Variants in MAGI1 observed in about 807,000 individuals in gnomAD.
MAGI1 encodes membrane-associated guanylate kinase, WW and PDZ domain-containing protein 1.
In MAGI1, 58 loss-of-function variants were observed where a neutral mutation model predicts 139.9. The observed-to-expected ratio is 0.41, with a 90% confidence interval of 0.34 to 0.52. MAGI1 has a LOEUF of 0.52. Among genes scored for constraint, MAGI1 ranks in the 20% least tolerant of loss-of-function variants. The pLI, the probability that MAGI1 is intolerant of heterozygous loss-of-function variation, is 0.12. For missense variants in MAGI1, 1,874 were observed against 1,901.6 expected, an observed-to-expected ratio of 0.99 and a Z score of 0.27; for synonymous variants, 812 against 737.9, an observed-to-expected ratio of 1.10 and a Z score of -1.63.
chr3:65,603,530 C>T (rs1017525294), intron 2 of MAGI1, among the ~76,000 whole-genome samples: 1 of 152,102 alleles, frequency 6.6e-6, no homozygotes, highest in African/African-American at 2.4e-5. Flanking sequence ...AACCATAGAA[C>T]GTAGATAAAA....
At chr3:65,804,768 T>G (rs2040741482) in intron 1 of MAGI1, among the ~76,000 whole-genome samples, 1 of 152,062 alleles carries the variant, frequency 6.6e-6, no homozygotes, top group African/African-American at 2.4e-5. Flanking sequence ...AATAGAGATC[T>G]CAGAAATAAG....
At chr3:65,905,922 A>G (rs1029723018) in intron 1 of MAGI1, among the ~76,000 whole-genome samples, 2 of 152,208 alleles carry the variant, frequency 1.3e-5, no homozygotes, top group Admixed American at 1.3e-4. Flanking sequence ...TTCCGGATAT[A>G]AGAAAGAGTT....
chr3:65,882,655 A>C (rs912550372), intron 1 of MAGI1, among the ~76,000 whole-genome samples: 10 of 152,298 alleles, frequency 6.6e-5, no homozygotes, highest in African/African-American at 2.2e-4. Flanking sequence ...CAAGTTGACC[A>C]GGCACAGTGG....
At chr3:66,018,515 T>C (rs1304502476) in intron 1 of MAGI1, among the ~76,000 whole-genome samples, 2 of 152,120 alleles carry the variant, frequency 1.3e-5, no homozygotes, top group Admixed American at 1.3e-4. Flanking sequence ...AAGCAAGTGA[T>C]CAAGGTCACA....
At chr3:65,522,337 A>T (rs2078201319) in intron 2 of MAGI1, among the ~76,000 whole-genome samples, 1 of 152,202 alleles carries the variant, frequency 6.6e-6, no homozygotes, top group East Asian at 1.9e-4. Context: ...GTGTTCTATA[A>T]GCACAAGCAT....
intron 13 of MAGI1, among the ~76,000 whole-genome samples, chr3:65,393,948 G>T (rs1178791151): frequency 6.6e-6 from 1 of 152,176 alleles, no homozygotes; most frequent in African/African-American, 2.4e-5. Flanking sequence ...GAACTGGAGA[G>T]AAATATCCTT....
chr3:65,748,953 T>A (rs1321946498), intron 1 of MAGI1, among the ~76,000 whole-genome samples: 1 of 151,942 alleles, frequency 6.6e-6, no homozygotes, highest in Non-Finnish European at 1.5e-5. Context: ...AGGAGAGTAA[T>A]AGGGGTGGCA....
intron 2 of MAGI1, among the ~76,000 whole-genome samples, chr3:65,606,357 T>C (rs1330452022): frequency 6.6e-6 from 1 of 152,150 alleles, no homozygotes; most frequent in East Asian, 1.9e-4. Flanking sequence ...ATTTATTTTT[T>C]TGAGACAGGA....
intron 7 of MAGI1, 114 bp from the exon 8 acceptor site, chr3:65,442,963 A>G (rs1414264861): frequency 2.7e-6 from 2 of 735,944 alleles, no homozygotes; most frequent in Non-Finnish European, 2.3e-6. Flanking sequence ...CTTTAAATCC[A>G]ATTAAAACTG....
chr3:65,410,030 C>A (rs1191574308), intron 12 of MAGI1, among the ~76,000 whole-genome samples: 1 of 152,156 alleles, frequency 6.6e-6, no homozygotes, highest in Non-Finnish European at 1.5e-5. Flanking sequence ...CTTACAGAGC[C>A]TTTCACCTCA....
intron 2 of MAGI1, among the ~76,000 whole-genome samples, chr3:65,524,440 A>C (rs2078296157): frequency 6.6e-6 from 1 of 152,224 alleles, no homozygotes; most frequent in African/African-American, 2.4e-5. Context: ...AATATATGTT[A>C]GTCATGTTTC....
At chr3:65,635,290 C>T (rs910608779) in intron 1 of MAGI1, among the ~76,000 whole-genome samples, 1 of 152,054 alleles carries the variant, frequency 6.6e-6, no homozygotes, top group Admixed American at 6.6e-5. Context: ...GTCTCAAACT[C>T]CTCACCTCAT....
intron 17 of MAGI1, 67 bp from the exon 18 acceptor site, chr3:65,376,012 G>A: frequency 8.6e-7 from 1 of 1,157,378 alleles, no homozygotes; most frequent in Non-Finnish European, 1.3e-6. Context: ...AAGAGAAAAA[G>A]GGTTGAAAAG....
chr3:65,695,769 G>A (rs942285657), intron 1 of MAGI1, among the ~76,000 whole-genome samples: 1 of 152,170 alleles, frequency 6.6e-6, no homozygotes. Flanking sequence ...AGGGCTCTCA[G>A]TTCCAGCTGC....
At chr3:65,901,817 A>G (rs2061245189) in intron 1 of MAGI1, among the ~76,000 whole-genome samples, 1 of 152,202 alleles carries the variant, frequency 6.6e-6, no homozygotes, top group Non-Finnish European at 1.5e-5. Flanking sequence ...GAATGCCTAA[A>G]AACTCACAAA....
At chr3:65,921,839 G>A (rs868472239) in intron 1 of MAGI1, among the ~76,000 whole-genome samples, 4 of 151,888 alleles carry the variant, frequency 2.6e-5, no homozygotes, top group Admixed American at 6.6e-5. Flanking sequence ...CCAGGAGGTT[G>A]AGGCTGCAGT....
intron 1 of MAGI1, among the ~76,000 whole-genome samples, chr3:65,659,939 T>A (rs998532002): frequency 2.6e-5 from 4 of 152,120 alleles, no homozygotes; most frequent in Non-Finnish European, 4.4e-5. Flanking sequence ...TAAATCAAGA[T>A]CATAGTTTAT....
intron 1 of MAGI1, among the ~76,000 whole-genome samples, chr3:65,683,891 G>A (rs1270609482): frequency 9.3e-5 from 14 of 150,054 alleles, no homozygotes; most frequent in Admixed American, 8.7e-4. Flanking sequence ...ACTTTTATAA[G>A]AAAACTCACA....
At chr3:65,687,000 T>C (rs1419517587) in intron 1 of MAGI1, among the ~76,000 whole-genome samples, 2 of 152,216 alleles carry the variant, frequency 1.3e-5, no homozygotes, top group African/African-American at 4.8e-5. Flanking sequence ...ATTCTATGTA[T>C]AGGTGCAAGC....
Sources: allele counts gnomAD v4.1 joint callset (sites outside exome capture counted in the v4.1 genomes callset), GRCh38; gene constraint gnomAD v4.1.1; transcripts MANE v1.5; gene names NCBI Gene and HGNC (gene_info 2026-07-23, HGNC 2026-07-21).